Variants in DNAH2 observed in about 807,000 individuals in gnomAD.
DNAH2 encodes the protein dynein axonemal heavy chain 2, also known as axonemal beta dynein heavy chain 2.
Under a neutral mutation model 523.5 loss-of-function variants are expected in DNAH2, and 323 were observed. The ratio of observed to expected loss-of-function variants is 0.62; its 90% CI spans 0.56 to 0.68. The LOEUF (loss-of-function observed/expected upper bound fraction) is 0.68. Among genes scored for constraint, DNAH2 ranks in the 30% least tolerant of loss-of-function variants. DNAH2 has a pLI of 0.00. For missense variants in DNAH2, 4,907 were observed against 5,701.5 expected, an observed-to-expected ratio of 0.86 and a Z score of 4.49; for synonymous variants, 2,093 against 2,177.4, an observed-to-expected ratio of 0.96 and a Z score of 1.08.
intron 6 of DNAH2, 79 bp from the exon 7 acceptor site, chr17:7,734,391 G>T (rs2075080680): frequency 1.3e-6 from 2 of 1,599,418 alleles, no homozygotes; most frequent in Non-Finnish European, 1.7e-6. Context: ...GGAGGTCTCT[G>T]TCGGGGTTGC....
intron 49 of DNAH2, 93 bp downstream of exon 49, chr17:7,794,451 C>T (rs376079526): frequency 8.7e-6 from 10 of 1,150,930 alleles, no homozygotes; most frequent in East Asian, 8.1e-5. Flanking sequence ...CAGGGGGCTG[C>T]GGCACCCCAA....
intron 58 of DNAH2, 126 bp from the exon 59 acceptor site, chr17:7,804,130 G>C: frequency 1.1e-6 from 1 of 898,704 alleles, no homozygotes; most frequent in Non-Finnish European, 1.7e-6. Context: ...CCAGGATGGT[G>C]GGGGTAGTGT....
rs769370617 is a variant in DNAH2 at position 7,792,292 on chromosome 17, G to A, written c.7094G>A (p.Ser2365Asn). The part of the protein sequence containing the change: ...YEYFVDPKIR[S>N]WTSFEDKLPK... ...TATTTTGTGGACCCCAAAATACGGA[G>A]TTGGACATCATTTGAGGACAAGCTC... Residue 2365 changes from serine to asparagine, a missense_variant, in exon 46 of 86, where the codon AGT (serine) becomes AAT (asparagine). By Grantham distance (46) the Ser-to-Asn change is conservative. Around this residue, in one of 3 missense-constraint regions of DNAH2, gnomAD observed 2,806 missense variants for 3,190.8 expected, o/e 0.88. Coordinates refer to ENST00000572933, the MANE Select transcript of DNAH2 (RefSeq NM_020877.5). 14 of 1,613,988 alleles carry A rather than the reference G, an allele frequency of 8.7e-6. No individual in the cohort carries two copies. In the South Asian group the frequency reaches 1.5e-4, roughly 18 times the overall value.
At position 7,770,426 on chromosome 17, in the gene DNAH2, C is replaced by T. The variant is rs761827144; in HGVS notation, c.4098+18C>T. The T allele has an allele frequency of 3.7e-6, 6 of 1,611,292 alleles. No homozygotes were observed. The highest frequency in any genetic ancestry group is 1.1e-5 in the South Asian group (1 of 90,614). Reference sequence around the variant, plus strand: ...TAGAAGTGGTACGACAGTCCCCTCCCATGCTCCCACACCTCCTGCGCCTCC... The same window carrying T: ...TAGAAGTGGTACGACAGTCCCCTCCTATGCTCCCACACCTCCTGCGCCTCC... On this transcript the variant is annotated intron_variant, in intron 25 of 85. Transcript: ENST00000572933.
At chr17:7,746,226 T>G (rs185246503) in intron 12 of DNAH2, among the ~76,000 whole-genome samples, 155 of 152,298 alleles carry the variant, frequency 1.0e-3, no homozygotes, top group Non-Finnish European at 1.4e-3. Context: ...GCATACAGTG[T>G]AAAATTCAAA....
At position 7,831,661 on chromosome 17, in the gene DNAH2, G is replaced by A. The variant is rs753423599; in HGVS notation, c.12612G>A (p.Leu4204=). Residue 4204 remains leucine (L), a splice_region_variant and synonymous_variant, in exon 82 of 86, where the codon CTG becomes CTA. Transcript: ENST00000572933. This position sits in a 1 kb window ranked among gnomAD's most constrained non-coding sequence, Gnocchi z 4.2. ...QRYNTLMQTI[L]FSLTDLEKGI... ...TAACACTCCACCTCATCCTGCTCAG[G>A]TTCTCACTGACAGACCTAGAGAAAG... The A allele has an allele frequency of 6.2e-7, 1 of 1,614,124 alleles. No homozygotes were observed. The highest frequency in any genetic ancestry group is 8.5e-7 in the Non-Finnish European group (1 of 1,179,994).
Position 7,816,558 on chromosome 17 carries a change from G to A in DNAH2, c.9730-13G>A, listed in dbSNP as rs375110986. 2.5e-5 allele frequency: 41 copies of A among 1,613,924 alleles called. No homozygotes were observed. Among genetic ancestry groups the A allele is most frequent in the East Asian group, 8.9e-5 (4 of 44,894 alleles). ...GCCCTGTGTTTGATGCGCTATACTCGAATCTCTCCCAGGTAGCTGAGAAAC... is the reference window on the plus strand; with the variant it reads ...GCCCTGTGTTTGATGCGCTATACTCAAATCTCTCCCAGGTAGCTGAGAAAC... On this transcript the variant is annotated splice_polypyrimidine_tract_variant and intron_variant, in intron 63 of 85. Coordinates refer to ENST00000572933, the MANE Select transcript of DNAH2 (RefSeq NM_020877.5).
At chr17:7,781,632 C>T (rs2076607045) in intron 39 of DNAH2, among the ~76,000 whole-genome samples, 1 of 152,246 alleles carries the variant, frequency 6.6e-6, no homozygotes, top group South Asian at 2.1e-4. Context: ...ACTTCCTTAT[C>T]TATAAAGCAA....
chr17:7,831,554 G>A lies in DNAH2; in HGVS notation c.12611+13G>A. On this transcript the variant is annotated intron_variant, in intron 81 of 85. Coordinates refer to ENST00000572933, the MANE Select transcript of DNAH2 (RefSeq NM_020877.5). This position sits in a 1 kb window ranked among gnomAD's most constrained non-coding sequence, Gnocchi z 4.2. The stretch of plus-strand genomic sequence containing the variant: ...TGCAGACCATCCTGTAAGACAGAGG[G>A]GGACTCTGCGGAACAGGGGAGGGTG... The A allele has an allele frequency of 3.1e-6, 5 of 1,614,120 alleles. No homozygotes were observed. The highest frequency in any genetic ancestry group is 4.2e-6 in the Non-Finnish European group (5 of 1,179,990).
At chr17:7,813,243 T>C (rs2077569125) in intron 63 of DNAH2, among the ~76,000 whole-genome samples, 1 of 152,054 alleles carries the variant, frequency 6.6e-6, no homozygotes, top group Non-Finnish European at 1.5e-5. Flanking sequence ...TTCTCTTTTT[T>C]TCTTTTGTAG....
rs1359824338 is a variant in DNAH2 at position 7,778,160 on chromosome 17, C to T, written c.5331C>T (p.Val1777=). ...ACTTGGGTAACTCGGGCCGGCTCGT[C>T]ATCACCCCCCTGACGGACAGGTCTG... ...YEYLGNSGRL[V]ITPLTDRCYM... Residue 1777 remains valine (V), a synonymous_variant, in exon 34 of 86, where the codon GTC becomes GTT. Coordinates refer to ENST00000572933, the MANE Select transcript of DNAH2 (RefSeq NM_020877.5). The T allele has an allele frequency of 1.2e-6, 2 of 1,614,224 alleles. No homozygotes were observed. Among genetic ancestry groups the T allele is most frequent in the Admixed American group, 3.3e-5 (2 of 60,030 alleles).
At chr17:7,776,578 A>AC (rs2076459006) in intron 31 of DNAH2, among the ~76,000 whole-genome samples, 1 of 151,982 alleles carries the variant, frequency 6.6e-6, no homozygotes, top group Non-Finnish European at 1.5e-5. Flanking sequence ...GTGGTTTCTT[A>AC]CCCCCCTTTC....
rs769995466 is a variant in DNAH2, at chr17:7,819,254, C to G, written c.10861C>G (p.Leu3621Val). 1 of 1,614,158 alleles carries G rather than the reference C, an allele frequency of 6.2e-7. No homozygotes were observed. The highest frequency in any genetic ancestry group is 8.5e-7 in the Non-Finnish European group (1 of 1,180,046). Reference protein sequence around the residue: ...AQRASILFFVLNDMGCIDPMY... With the variant: ...AQRASILFFVVNDMGCIDPMY... ...GCGGGCATCAATCCTGTTCTTCGTGCTCAATGATATGGGCTGCATCGACCC... is the reference window on the plus strand; with the variant it reads ...GCGGGCATCAATCCTGTTCTTCGTGGTCAATGATATGGGCTGCATCGACCC... Residue 3621 changes from leucine to valine, a missense_variant, in exon 72 of 86, where the codon CTC becomes GTC. Leu to Val is a conservative substitution (Grantham distance 32). Coordinates refer to ENST00000572933, the MANE Select transcript of DNAH2 (RefSeq NM_020877.5).
rs1024259294 is a variant in DNAH2, at chr17:7,780,542, C to A, written c.5851-88C>A. The A allele has an allele frequency of 5.7e-6, 9 of 1,565,574 alleles. No homozygotes were observed. In the African/African-American group the frequency reaches 8.1e-5, roughly 14 times the overall value. On this transcript the variant is annotated intron_variant, in intron 37 of 85. Transcript: ENST00000572933. The surrounding 1 kb of genome is among the most constrained non-coding windows in gnomAD (Gnocchi z 4.4). ...CTCCTAGCTGCTTCATGTCCTGGGA[C>A]CTGGCTTCTTGTCTCTGACTGTCCT...
At chr17:7,763,600 C>G (rs2076068606) in intron 18 of DNAH2, among the ~76,000 whole-genome samples, 1 of 152,158 alleles carries the variant, frequency 6.6e-6, no homozygotes, top group Non-Finnish European at 1.5e-5. Context: ...CTTTGAATGC[C>G]AGAATAAGAA....
Position 7,830,356 on chromosome 17 carries a change from C to T in DNAH2, c.11910C>T (p.Ser3970=), listed in dbSNP as rs1301380910. The change falls in exon 78 of 86, where the codon TCC becomes TCT. Residue 3970 remains serine (S), a synonymous_variant. Transcript: ENST00000572933. ...LYQLMSEPQF[S]RCSKPAKYKK... is the part of the protein sequence containing the mutation. ...AACTGATGTCAGAACCACAGTTTTC[C>T]CGCTGCTCCAAACCTGCCAAATATA... 6.2e-7 allele frequency: 1 copy of T among 1,614,136 alleles called. No homozygotes were observed. Among genetic ancestry groups the T allele is most frequent in the Non-Finnish European group, 8.5e-7 (1 of 1,180,050 alleles).
intron 4 of DNAH2, among the ~76,000 whole-genome samples, 190 bp downstream of exon 4, chr17:7,727,482 G>A (rs538192258): frequency 3.3e-5 from 5 of 152,254 alleles, no homozygotes; most frequent in African/African-American, 9.6e-5. Context: ...GGCTGGGCGC[G>A]GTGGCTCACG....
rs779383113 is a variant in DNAH2 at position 7,787,977 on chromosome 17, T to C, written c.6721T>C (p.Trp2241Arg). ...GGGCTGGAAGCCCTATGTTCAGTCA[T>C]GGCTGGAGAAGAGGCCAAAGGTATG... ...DLGWKPYVQS[W>R]LEKRPKAEVE... Residue 2241 changes from tryptophan to arginine, a missense_variant, in exon 43 of 86, where the codon TGG (tryptophan) becomes CGG (arginine). By Grantham distance (101) the Trp-to-Arg change is moderately radical. This residue lies in a region of DNAH2 where 2,806 missense variants were observed against 3,190.8 expected (regional missense o/e 0.88). Transcript: ENST00000572933. 2.2e-5 allele frequency: 35 copies of C among 1,614,064 alleles called. No individual in the cohort carries two copies. Among genetic ancestry groups the C allele is most frequent in the African/African-American group, 4.0e-5 (3 of 74,936 alleles).
chr17:7,726,137 C>G (rs189659204), intron 3 of DNAH2, among the ~76,000 whole-genome samples: 5 of 152,156 alleles, frequency 3.3e-5, no homozygotes, highest in Admixed American at 3.3e-4. Flanking sequence ...TCCCAAGTAG[C>G]TGGGATTACA....
Sources: gnomAD v4.1 joint callset for allele counts (sites outside exome capture counted in the v4.1 genomes callset) on GRCh38, gnomAD v4.1.1 for gene constraint, gnomAD v4.1.1 regional missense constraint, Gnocchi (gnomAD v3.1) non-coding constraint, MANE v1.5 for transcripts, NCBI Gene and HGNC (gene_info 2026-07-23, HGNC 2026-07-21) for gene names.